ZBTB9: variants seen among roughly 807,000 people sequenced by gnomAD.
ZBTB9 encodes zinc finger and BTB domain-containing protein 9.
In ZBTB9, 17 loss-of-function variants were observed where a neutral mutation model predicts 26.3. The observed-to-expected ratio is 0.65, with a 90% CI of 0.44 to 0.97. The LOEUF is 0.97. Among genes scored for constraint, ZBTB9 ranks in the 50% least tolerant of loss-of-function variants. The probability of loss-of-function intolerance (pLI) is 0.00; values close to 1 mark genes in which losing one functional copy is unlikely to be tolerated. For synonymous variants in ZBTB9, 226 were observed against 234.3 expected (o/e 0.96, Z 0.32); for missense variants, 510 against 594.2 (o/e 0.86, Z 1.47).
At position 33,455,935 on chromosome 6, in the gene ZBTB9, C is replaced by T; in HGVS notation, c.835C>T (p.Pro279Ser). ...PLELPAPPALPPKIFYIKQEP... is the reference protein window; with the variant it reads ...PLELPAPPALSPKIFYIKQEP... ...TGAGCTTCCTGCCCCTCCTGCACTG[C>T]CCCCCAAAATCTTCTACATTAAGCA... Residue 279 changes from proline (P) to serine (S), a missense_variant, in exon 2 of 2, where the codon CCC becomes TCC. Transcript: ENST00000395064. 1 of 1,611,542 alleles carries T rather than the reference C, an allele frequency of 6.2e-7. No individual in the cohort carries two copies. The highest frequency in any genetic ancestry group is 8.5e-7 in the Non-Finnish European group (1 of 1,178,720).
At position 33,455,618 on chromosome 6, in the gene ZBTB9, C is replaced by T. The variant is rs147186666; in HGVS notation, c.518C>T (p.Ser173Phe). ...TSSTGGWCIR[S>F]SPFQTPVQSS... ...TCTACAGGAGGCTGGTGCATTCGCT[C>T]TTCGCCTTTCCAGACCCCAGTACAG... Residue 173 changes from serine (S) to phenylalanine (F), a missense_variant, in exon 2 of 2, where the codon TCT (serine) becomes TTT (phenylalanine). Physicochemically the swap from Ser to Phe is radical, Grantham distance 155. This residue lies in a region of ZBTB9 where 439 missense variants were observed against 460.4 expected (regional missense o/e 0.95). Transcript: ENST00000395064. 2 of 1,613,992 alleles carry T rather than the reference C, an allele frequency of 1.2e-6. No individual in the cohort carries two copies. Among genetic ancestry groups the T allele is most frequent in the South Asian group, 2.2e-5 (2 of 91,074 alleles).
upstream of ZBTB9, chr6:33,453,448 T>G: frequency 6.7e-6 from 1 of 150,228 alleles, no homozygotes; most frequent in Non-Finnish European, 1.5e-5. Flanking sequence ...TGTACAGAGC[T>G]TCCTGGCCCC....
rs1454219601 is a variant in ZBTB9, at chr6:33,457,318, T to G, written c.*796T>G. 5 of 167,134 alleles carry G rather than the reference T, an allele frequency of 3.0e-5. No individual in the cohort carries two copies. In the East Asian group the frequency reaches 9.6e-4, roughly 32 times the overall value. The allele number at this position is 167,134 out of a possible 1,614,324, so 10.4% of individuals were successfully genotyped here. Reference sequence around the variant, plus strand: ...TAAAGTGCTGTCAGGGTGGCACCACTGCTCTCTGAACAACTTACCTTGGTC... The same window carrying G: ...TAAAGTGCTGTCAGGGTGGCACCACGGCTCTCTGAACAACTTACCTTGGTC... On this transcript the variant is annotated 3_prime_UTR_variant, in exon 2 of 2. Coordinates refer to ENST00000395064, the MANE Select transcript of ZBTB9 (RefSeq NM_152735.4).
chr6:33,455,450 C>G lies in ZBTB9; in HGVS notation c.350C>G (p.Ala117Gly), dbSNP rs1253201036. Residue 117 changes from alanine (A) to glycine (G), a missense_variant, in exon 2 of 2, where the codon GCT (alanine) becomes GGT (glycine). Around this residue, in one of 2 missense-constraint regions of ZBTB9, gnomAD observed 439 missense variants for 460.4 expected, o/e 0.95. Coordinates refer to ENST00000395064, the MANE Select transcript of ZBTB9 (RefSeq NM_152735.4). ...RLRLPLDALP[A>G]HLLVASGLQM... is the part of the protein sequence containing the mutation. ...CGCCTGCCACTGGATGCTCTTCCTG[C>G]TCATCTCCTTGTGGCCAGTGGCCTT... The G allele has an allele frequency of 6.2e-7, 1 of 1,614,096 alleles. No homozygotes were observed. Among genetic ancestry groups the G allele is most frequent in the Non-Finnish European group, 8.5e-7 (1 of 1,179,964 alleles).
chr6:33,455,501 G>C lies in ZBTB9; in HGVS notation c.401G>C (p.Cys134Ser). ...GLQMWQVVDQ[C>S]SEILRELETS... ...CAAATGTGGCAGGTAGTAGATCAGT[G>C]CTCAGAAATTCTTAGAGAATTAGAA... Residue 134 changes from cysteine (C) to serine (S), a missense_variant, in exon 2 of 2, where the codon TGC becomes TCC. Physicochemically the swap from Cys to Ser is moderately radical, Grantham distance 112 (BLOSUM62 -1). Coordinates refer to ENST00000395064, the MANE Select transcript of ZBTB9 (RefSeq NM_152735.4). 4.3e-6 allele frequency: 7 copies of C among 1,614,144 alleles called. No individual in the cohort carries two copies. The highest frequency in any genetic ancestry group is 5.9e-6 in the Non-Finnish European group (7 of 1,179,992).
In ZBTB9 at chr6:33,456,819, A is replaced by G. The variant is rs1761494881; in HGVS notation, c.*297A>G. ...GGACATTTTTGTGGTGGTGATGTCC[A>G]TTAAGGAAACCAGATTTTCAATTAT... is the stretch of plus-strand genomic sequence containing the variant. On this transcript the variant is annotated 3_prime_UTR_variant, in exon 2 of 2. Coordinates refer to ENST00000395064, the MANE Select transcript of ZBTB9 (RefSeq NM_152735.4). This position sits in a 1 kb window ranked among gnomAD's most constrained non-coding sequence, Gnocchi z 5.1. The G allele has an allele frequency of 2.6e-6, 1 of 390,402 alleles. No homozygotes were observed. Among genetic ancestry groups the G allele is most frequent in the East Asian group, 4.1e-5 (1 of 24,252 alleles). 24.2% of individuals were successfully genotyped at this position (390,402 alleles called of 1,614,324 possible).
upstream of ZBTB9, chr6:33,453,492 C>T (rs909636866): frequency 6.7e-6 from 1 of 150,006 alleles, no homozygotes; most frequent in Non-Finnish European, 1.5e-5. Context: ...CCTCCCCACC[C>T]ACCACCTCAA....
chr6:33,455,853 C>G lies in ZBTB9; in HGVS notation c.753C>G (p.His251Gln), dbSNP rs778413225. 32 of 1,612,786 alleles carry G rather than the reference C, an allele frequency of 2.0e-5. No homozygotes were observed. Among genetic ancestry groups the G allele is most frequent in the Non-Finnish European group, 2.6e-5 (31 of 1,179,306 alleles). ...SGVFPRPHGPHPLPMTATPRK... is the reference protein window; with the variant it reads ...SGVFPRPHGPQPLPMTATPRK... ...TTTTTCCCCGTCCTCATGGACCCCA[C>G]CCACTGCCCATGACTGCTACTCCCC... The change falls in exon 2 of 2, where the codon CAC (histidine) becomes CAG (glutamine). Residue 251 changes from histidine (H) to glutamine (Q), a missense_variant. By Grantham distance (24) the His-to-Gln change is conservative (BLOSUM62 0). Around this residue, in one of 2 missense-constraint regions of ZBTB9, gnomAD observed 439 missense variants for 460.4 expected, o/e 0.95. Transcript: ENST00000395064.
Position 33,456,187 on chromosome 6 carries a change from G to A in ZBTB9, c.1087G>A (p.Ala363Thr), listed in dbSNP as rs767399948. ...ILSGGGGPGGAGQAVHGPVKL... is the reference protein window; with the variant it reads ...ILSGGGGPGGTGQAVHGPVKL... ...GTCAGGGGGTGGAGGACCTGGGGGA[G>A]CAGGCCAGGCCGTGCATGGGCCTGT... is the stretch of plus-strand genomic sequence containing the variant. The change falls in exon 2 of 2, where the codon GCA becomes ACA. Residue 363 changes from alanine to threonine, a missense_variant. By Grantham distance (58) the Ala-to-Thr change is moderately conservative. Around this residue, in one of 2 missense-constraint regions of ZBTB9, gnomAD observed 439 missense variants for 460.4 expected, o/e 0.95. Transcript: ENST00000395064. The surrounding 1 kb of genome is among the most constrained non-coding windows in gnomAD (Gnocchi z 5.1). 1.1e-5 allele frequency: 17 copies of A among 1,608,610 alleles called. 1 individual carries two copies. The Middle Eastern group carries it at 2.6e-3, about 250-fold the overall frequency.
In ZBTB9 at chr6:33,457,513, A is replaced by T. The variant is rs186223775; in HGVS notation, c.*991A>T. 1,474 of 167,024 alleles carry T rather than the reference A, an allele frequency of 8.8e-3. 9 individuals are homozygous for T. Among genetic ancestry groups the T allele is most frequent in the Non-Finnish European group, 0.014 (951 of 68,144 alleles). The allele number at this position is 167,024 out of a possible 1,614,324, so 10.3% of individuals were successfully genotyped here. A position where few individuals can be genotyped will look rare whatever the true frequency, so the allele number is the denominator to read the frequency against. ...GGGGTGGGACTTGCAGTTACTTAAA[A>T]TTTTTTAATAAACTGTGCCCTGAAA... On this transcript the variant is annotated 3_prime_UTR_variant, in exon 2 of 2. Coordinates refer to ENST00000395064, the MANE Select transcript of ZBTB9 (RefSeq NM_152735.4).
Position 33,455,700 on chromosome 6 carries a change from A to G in ZBTB9, c.600A>G (p.Gly200=), listed in dbSNP as rs775707159. Residue 200 remains glycine, a synonymous_variant, in exon 2 of 2, where the codon GGA becomes GGG. Coordinates refer to ENST00000395064, the MANE Select transcript of ZBTB9 (RefSeq NM_152735.4). The part of the protein sequence containing the change: ...ASTESPVGGE[G]SELGEVLQIQ... ...CTGAGAGCCCTGTGGGAGGGGAGGGAAGTGAACTGGGAGAAGTGCTGCAAA... is the reference window on the plus strand; with the variant it reads ...CTGAGAGCCCTGTGGGAGGGGAGGGGAGTGAACTGGGAGAAGTGCTGCAAA... The G allele has an allele frequency of 6.2e-7, 1 of 1,614,078 alleles. No individual in the cohort carries two copies. The highest frequency in any genetic ancestry group is 1.1e-5 in the South Asian group (1 of 91,082).
chr6:33,454,211 G>A (rs1761426474), upstream of ZBTB9: 1 of 152,208 alleles, frequency 6.6e-6, no homozygotes, highest in Admixed American at 6.5e-5. Flanking sequence ...AAGTGATGTG[G>A]GCAAGTGCCA....
Position 33,457,532 on chromosome 6 carries a change from C to T in ZBTB9, c.*1010C>T, listed in dbSNP as rs1761506016. ...CTTAAAATTTTTTAATAAACTGTGC[C>T]CTGAAACCTAAACTGACAGTGGACT... On this transcript the variant is annotated 3_prime_UTR_variant, in exon 2 of 2. Coordinates refer to ENST00000395064, the MANE Select transcript of ZBTB9 (RefSeq NM_152735.4). 6.0e-6 allele frequency: 1 copy of T among 166,738 alleles called. No homozygotes were observed. The highest frequency in any genetic ancestry group is 1.5e-5 in the Non-Finnish European group (1 of 68,148). The allele number at this position is 166,738 out of a possible 1,614,324, so 10.3% of individuals were successfully genotyped here.
chr6:33,455,934 G>T lies in ZBTB9; in HGVS notation c.834G>T (p.Leu278=). ...APLELPAPPA[L]PPKIFYIKQE... is the part of the protein sequence containing the mutation. ...TTGAGCTTCCTGCCCCTCCTGCACT[G>T]CCCCCCAAAATCTTCTACATTAAGC... Residue 278 remains leucine, a synonymous_variant, in exon 2 of 2, where the codon CTG becomes CTT. Coordinates refer to ENST00000395064, the MANE Select transcript of ZBTB9 (RefSeq NM_152735.4). 6.2e-7 allele frequency: 1 copy of T among 1,612,058 alleles called. No individual in the cohort carries two copies. The highest frequency in any genetic ancestry group is 8.5e-7 in the Non-Finnish European group (1 of 1,178,956).
chr6:33,456,717 C>A lies in ZBTB9; in HGVS notation c.*195C>A. The A allele has an allele frequency of 9.0e-7, 1 of 1,105,822 alleles. No homozygotes were observed. The highest frequency in any genetic ancestry group is 1.2e-6 in the Non-Finnish European group (1 of 817,254). 68.5% of individuals were successfully genotyped at this position (1,105,822 alleles called of 1,614,324 possible). A position where few individuals can be genotyped will look rare whatever the true frequency, so the allele number is the denominator to read the frequency against. On this transcript the variant is annotated 3_prime_UTR_variant, in exon 2 of 2. Coordinates refer to ENST00000395064, the MANE Select transcript of ZBTB9 (RefSeq NM_152735.4). The surrounding 1 kb of genome is among the most constrained non-coding windows in gnomAD (Gnocchi z 5.1). Reference sequence around the variant, plus strand: ...GGAAACTCAAATTTCTCGTCCCACTCCAGGTTTTGGCTAGCCAACCCTGCA... The same window carrying A: ...GGAAACTCAAATTTCTCGTCCCACTACAGGTTTTGGCTAGCCAACCCTGCA...
Position 33,455,876 on chromosome 6 carries a change from C to T in ZBTB9, c.776C>T (p.Pro259Leu), listed in dbSNP as rs1203793713. The T allele has an allele frequency of 6.2e-7, 1 of 1,613,440 alleles. No individual in the cohort carries two copies. The highest frequency in any genetic ancestry group is 8.5e-7 in the Non-Finnish European group (1 of 1,179,682). Residue 259 changes from proline (P) to leucine (L), a missense_variant, in exon 2 of 2, where the codon CCC becomes CTC. Pro to Leu is a moderately conservative substitution (Grantham distance 98). Around this residue, in one of 2 missense-constraint regions of ZBTB9, gnomAD observed 439 missense variants for 460.4 expected, o/e 0.95. Transcript: ENST00000395064. ...GPHPLPMTAT[P>L]RKLPEGESAP... ...CACCCACTGCCCATGACTGCTACTC[C>T]CCGAAAGCTTCCAGAGGGTGAGAGT...
chr6:33,455,070 C>T lies in ZBTB9; in HGVS notation c.-31C>T, dbSNP rs540597892. 2.6e-6 allele frequency: 4 copies of T among 1,557,678 alleles called. No homozygotes were observed. Among genetic ancestry groups the T allele is most frequent in the Non-Finnish European group, 2.6e-6 (3 of 1,151,048 alleles). On this transcript the variant is annotated 5_prime_UTR_variant, in exon 2 of 2. Coordinates refer to ENST00000395064, the MANE Select transcript of ZBTB9 (RefSeq NM_152735.4). ...GAGTCTACCCCCAAGCCCTTCTCCTCTTCCCAATTCTTGTCACCTTCGAGG... is the reference window on the plus strand; with the variant it reads ...GAGTCTACCCCCAAGCCCTTCTCCTTTTCCCAATTCTTGTCACCTTCGAGG...
Position 33,455,648 on chromosome 6 carries a change from C to T in ZBTB9, c.548C>T (p.Ser183Phe). 6.2e-7 allele frequency: 1 copy of T among 1,614,230 alleles called. No individual in the cohort carries two copies. Among genetic ancestry groups the T allele is most frequent in the Non-Finnish European group, 8.5e-7 (1 of 1,180,024 alleles). ...CCTTTCCAGACCCCAGTACAGTCCT[C>T]TGCTTCTACTGAAAGCCCTGCTTCC... Reference protein sequence around the residue: ...SSPFQTPVQSSASTESPASTE... With the variant: ...SSPFQTPVQSFASTESPASTE... The change falls in exon 2 of 2, where the codon TCT becomes TTT. Residue 183 changes from serine to phenylalanine, a missense_variant. Ser to Phe is a radical substitution (Grantham distance 155). Transcript: ENST00000395064.
Position 33,456,449 on chromosome 6 carries a change from A to G in ZBTB9, c.1349A>G (p.His450Arg), listed in dbSNP as rs750899475. Reference protein sequence around the residue: ...CPHCGRRFRVHACFLRHRDLC... With the variant: ...CPHCGRRFRVRACFLRHRDLC... ...CACTGTGGCCGTCGGTTCCGAGTCC[A>G]TGCCTGTTTTCTCCGCCACCGGGAC... The change falls in exon 2 of 2, where the codon CAT (histidine) becomes CGT (arginine). Residue 450 changes from histidine to arginine, a missense_variant. Transcript: ENST00000395064. This position sits in a 1 kb window ranked among gnomAD's most constrained non-coding sequence, Gnocchi z 5.1. 2.5e-6 allele frequency: 4 copies of G among 1,614,094 alleles called. No individual in the cohort carries two copies. Among genetic ancestry groups the G allele is most frequent in the Admixed American group, 1.7e-5 (1 of 60,012 alleles).
Sources: gnomAD v4.1 joint callset for allele counts on GRCh38, gnomAD v4.1.1 for gene constraint, gnomAD v4.1.1 regional missense constraint, Gnocchi (gnomAD v3.1) non-coding constraint, MANE v1.5 for transcripts, NCBI Gene and HGNC (gene_info 2026-07-23, HGNC 2026-07-21) for gene names.